TBC1D1: variants seen among roughly 807,000 people sequenced by gnomAD.
TBC1D1 encodes TBC1 (tre-2/USP6, BUB2, cdc16) domain family, member 1.
Under a neutral mutation model 125.6 loss-of-function variants are expected in TBC1D1, and 89 were observed. That is an observed-to-expected ratio of 0.71 (90% CI 0.60 to 0.85). The LOEUF (loss-of-function observed/expected upper bound fraction) is 0.85, where lower values mean the gene tolerates loss of function less well. Among genes scored for constraint, TBC1D1 ranks in the 40% least tolerant of loss-of-function variants. TBC1D1 has a pLI of 0.00. For synonymous variants in TBC1D1, 565 were observed against 564.1 expected, an observed-to-expected ratio of 1.00 and a Z score of -0.02; for missense variants, 1,377 against 1,469.2, an observed-to-expected ratio of 0.94 and a Z score of 1.03.
rs190030418 is a variant in TBC1D1 at position 37,975,461 on chromosome 4, C to T, written c.418-39048C>T. 2.0e-3 allele frequency among the ~76,000 whole-genome samples: 299 copies of T among 152,224 alleles called. 1 individual carries two copies. The highest frequency in any genetic ancestry group is 6.7e-3 in the African/African-American group (279 of 41,518). ...CGGGCAGGCCTGACATCAGTCAGGC[C>T]GTCCACAAGAGGTGGAGTAGTAGAG... On this transcript the variant is annotated intron_variant, in intron 2 of 19. Transcript: ENST00000261439.
intron 12 of TBC1D1, among the ~76,000 whole-genome samples, 157 bp from the exon 15 acceptor site, chr4:38,089,775 C>T (rs1469851718): frequency 1.3e-5 from 2 of 152,220 alleles, no homozygotes; most frequent in African/African-American, 2.4e-5. Flanking sequence ...GTGGCTCAGA[C>T]GTGGCTTATG....
chr4:38,024,930 A>G (rs1004739824), intron 6 of TBC1D1, among the ~76,000 whole-genome samples: 2 of 152,248 alleles, frequency 1.3e-5, no homozygotes, highest in African/African-American at 4.8e-5. Context: ...ATAAGATAGA[A>G]TCAATAACGC....
intron 12 of TBC1D1, among the ~76,000 whole-genome samples, chr4:38,078,093 TA>T (rs1291755355): frequency 6.6e-6 from 1 of 152,070 alleles, no homozygotes; most frequent in East Asian, 1.9e-4. Flanking sequence ...GTGGCCACGT[TA>T]ATGACATAGA....
At chr4:38,117,516 T>C (rs1237879771) in intron 16 of TBC1D1, among the ~76,000 whole-genome samples, 2 of 152,254 alleles carry the variant, frequency 1.3e-5, no homozygotes, top group African/African-American at 4.8e-5. Context: ...ATATTCCATA[T>C]ATTATACACC....
At chr4:37,956,391 T>G (rs1244497899) in intron 2 of TBC1D1, among the ~76,000 whole-genome samples, 1 of 152,176 alleles carries the variant, frequency 6.6e-6, no homozygotes, top group Non-Finnish European at 1.5e-5. Flanking sequence ...TTCACTAGGA[T>G]GTAAGTTTCC....
At chr4:38,029,162 A>T (rs902543354) in intron 7 of TBC1D1, among the ~76,000 whole-genome samples, 5 of 152,060 alleles carry the variant, frequency 3.3e-5, no homozygotes, top group African/African-American at 9.7e-5. Context: ...GCACTTTTTT[A>T]GGGAGGGAAG....
At chr4:38,083,721 C>T (rs192898114) in intron 12 of TBC1D1, among the ~76,000 whole-genome samples, 14 of 152,276 alleles carry the variant, frequency 9.2e-5, no homozygotes, top group African/African-American at 3.1e-4. Flanking sequence ...AGGTTCAATC[C>T]CAGATACCTG....
Position 38,118,088 on chromosome 4 carries a change from A to G in TBC1D1, c.2858A>G (p.Asn953Ser), listed in dbSNP as rs956436973. 9 of 1,614,190 alleles carry G rather than the reference A, an allele frequency of 5.6e-6. No homozygotes were observed. The highest frequency in any genetic ancestry group is 7.6e-6 in the Non-Finnish European group (9 of 1,180,018). Reference sequence around the variant, plus strand: ...CATGATTACCACAGAGACCTCTACAATCACCTGGAGGAGCACGAGATCGGC... The same window carrying G: ...CATGATTACCACAGAGACCTCTACAGTCACCTGGAGGAGCACGAGATCGGC... Residue 953 changes from asparagine (N) to serine (S), a missense_variant, in exon 17 of 20, where the codon AAT becomes AGT. Asn to Ser is a conservative substitution (Grantham distance 46, BLOSUM62 1). Coordinates refer to ENST00000261439, the MANE Select transcript of TBC1D1 (RefSeq NM_015173.4).
intron 15 of TBC1D1, among the ~76,000 whole-genome samples, chr4:38,112,877 G>A (rs969957729): frequency 2.0e-5 from 3 of 152,168 alleles, no homozygotes; most frequent in Admixed American, 1.3e-4. Context: ...AGATTGCCAC[G>A]GTGCCCTCCT....
At chr4:38,046,407 ATAAT>A (rs1410918662) in intron 10 of TBC1D1, among the ~76,000 whole-genome samples, 10 of 152,088 alleles carry the variant, frequency 6.6e-5, no homozygotes, top group African/African-American at 2.4e-4. Flanking sequence ...TATTAAAAAA[ATAAT>A]TAATATTGGG....
rs1267099784 is a variant in TBC1D1 at position 38,084,617 on chromosome 4, G to A, written c.2051-5315G>A. Among the ~76,000 whole-genome samples the A allele has an allele frequency of 7.9e-5, 12 of 152,112 alleles. No individual in the cohort carries two copies. In the South Asian group the frequency reaches 1.4e-3, roughly 18 times the overall value. On this transcript the variant is annotated intron_variant, in intron 12 of 19. Coordinates refer to ENST00000261439, the MANE Select transcript of TBC1D1 (RefSeq NM_015173.4). ...AACAGACGCTGCAGATGTTAATCCC[G>A]TTGTTGTTAACTTTTCTCCAGAGAT...
intron 12 of TBC1D1, among the ~76,000 whole-genome samples, chr4:38,088,530 C>G (rs2152536657): frequency 6.6e-6 from 1 of 152,314 alleles, no homozygotes; most frequent in African/African-American, 2.4e-5. Flanking sequence ...GACCAAAACC[C>G]TTGTCAACAA....
chr4:38,125,156 A>T (rs1764437565), intron 18 of TBC1D1, 25 bp downstream of exon 20: 15 of 1,610,144 alleles, frequency 9.3e-6, no homozygotes, highest in Admixed American at 1.7e-5. Context: ...AAACCTTGCA[A>T]ATGCTTAAGC....
chr4:38,027,551 C>G (rs540259241), intron 6 of TBC1D1, among the ~76,000 whole-genome samples: 2 of 152,134 alleles, frequency 1.3e-5, no homozygotes, highest in South Asian at 2.1e-4. Context: ...ATTGCTTGAC[C>G]CTGGGAGGTT....
chr4:37,917,358 C>G (rs1237329896), intron 2 of TBC1D1, among the ~76,000 whole-genome samples: 1 of 151,996 alleles, frequency 6.6e-6, no homozygotes, highest in Non-Finnish European at 1.5e-5. Flanking sequence ...GCCTGTAATC[C>G]CAGCTACTCG....
intron 8 of TBC1D1, among the ~76,000 whole-genome samples, chr4:38,036,530 C>T (rs1376733181): frequency 5.3e-5 from 8 of 152,220 alleles, no homozygotes; most frequent in African/African-American, 1.7e-4. Flanking sequence ...TTTTTGAACA[C>T]TCCCCACGTA....
At chr4:38,106,161 G>A (rs1008245641) in intron 15 of TBC1D1, among the ~76,000 whole-genome samples, 1 of 152,210 alleles carries the variant, frequency 6.6e-6, no homozygotes, top group Non-Finnish European at 1.5e-5. Flanking sequence ...CACAGCAGAT[G>A]CTCAAAGAAT....
At chr4:37,907,303 G>A (rs1717549794) in intron 2 of TBC1D1, among the ~76,000 whole-genome samples, 1 of 152,180 alleles carries the variant, frequency 6.6e-6, no homozygotes, top group South Asian at 2.1e-4. Context: ...GTTTTTAGAA[G>A]GTTAGCTGTA....
chr4:37,952,721 C>A, intron 2 of TBC1D1: 1 of 152,592 alleles, frequency 6.6e-6, no homozygotes, highest in South Asian at 2.0e-4. Context: ...TGCAGCAAAC[C>A]ACCATGGCAC....
Sources: gnomAD v4.1 joint callset for allele counts (sites outside exome capture counted in the v4.1 genomes callset) on GRCh38, gnomAD v4.1.1 for gene constraint, MANE v1.5 for transcripts, NCBI Gene and HGNC (gene_info 2026-07-23, HGNC 2026-07-21) for gene names.